Variants in RBFOX1 observed in about 807,000 individuals in gnomAD.
RBFOX1 encodes the protein RNA binding fox-1 homolog 1.
RBFOX1 carries 8 observed loss-of-function variants against 57.7 expected under a neutral mutation model. The ratio of observed to expected loss-of-function variants is 0.14; its 90% CI spans 0.08 to 0.25. The LOEUF (loss-of-function observed/expected upper bound fraction) is 0.25, where lower values mean the gene tolerates loss of function less well. RBFOX1 is among the 10% of genes least tolerant of loss of function. The pLI is 1.00. For missense variants in RBFOX1, 611 were observed against 548.5 expected, an observed-to-expected ratio of 1.11 and a Z score of -1.14; for synonymous variants, 326 against 222.4, an observed-to-expected ratio of 1.47 and a Z score of -4.15.
At chr16:5,639,434 A>G (rs1408978876) in intron 3 of RBFOX1, among the ~76,000 whole-genome samples, 1 of 152,174 alleles carries the variant, frequency 6.6e-6, no homozygotes, top group Admixed American at 6.5e-5. Flanking sequence ...GTTCAACAGA[A>G]GTCTTGATAT....
At chr16:5,506,658 G>A (rs559577323) in intron 2 of RBFOX1, among the ~76,000 whole-genome samples, 2 of 152,200 alleles carry the variant, frequency 1.3e-5, no homozygotes, top group African/African-American at 4.8e-5. Flanking sequence ...GAGAAGGTGG[G>A]CTATAGACTG....
At position 5,283,576 on chromosome 16, in the gene RBFOX1, G is replaced by A. The variant is rs1223262302; in HGVS notation, c.219+43471G>A. Among the ~76,000 whole-genome samples the A allele has an allele frequency of 3.3e-5, 5 of 152,188 alleles. 1 individual carries two copies. In the South Asian group the frequency reaches 1.0e-3, roughly 32 times the overall value. On this transcript the variant is annotated intron_variant, in intron 1 of 2. Transcript: ENST00000585867. ...GGGAGCCCACCTCTTACATCAGCAT[G>A]ACCTGCATGTGAGACATGGACTCAA...
chr16:6,455,844 C>T (rs983874396), intron 2 of RBFOX1, among the ~76,000 whole-genome samples: 1 of 152,014 alleles, frequency 6.6e-6, no homozygotes, highest in Non-Finnish European at 1.5e-5. Flanking sequence ...TTCAATAAAC[C>T]ATGAGATTAT....
At chr16:5,277,934 A>G (rs1399665841) in intron 1 of RBFOX1, among the ~76,000 whole-genome samples, 2 of 152,146 alleles carry the variant, frequency 1.3e-5, no homozygotes, top group Non-Finnish European at 2.9e-5. Flanking sequence ...TATCTTGGCT[A>G]TTGTAAATAG....
chr16:5,834,201 C>T (rs937761481), intron 3 of RBFOX1, among the ~76,000 whole-genome samples: 2 of 152,162 alleles, frequency 1.3e-5, no homozygotes, highest in South Asian at 2.1e-4. Context: ...GAAGTCTGAG[C>T]TTTTAGTGTA....
intron 1 of RBFOX1, among the ~76,000 whole-genome samples, chr16:5,282,630 C>T (rs554562348): frequency 6.6e-6 from 1 of 152,174 alleles, no homozygotes; most frequent in Non-Finnish European, 1.5e-5. Context: ...CATTTTGCCC[C>T]TGCTGTAGAG....
chr16:5,449,979 G>C (rs2151562679), intron 1 of RBFOX1, among the ~76,000 whole-genome samples: 1 of 152,300 alleles, frequency 6.6e-6, no homozygotes, highest in East Asian at 1.9e-4. Flanking sequence ...GCATTTAGTG[G>C]TGTAAAGATA....
rs60749168 is a variant in RBFOX1 at position 5,944,790 on chromosome 16, T to TAAAAAAAAAAAAAAA, written c.351+77460_351+77474dup. On this transcript the variant is annotated intron_variant, in intron 4 of 19. Coordinates refer to the RBFOX1 transcript ENST00000641259. ...CAACTTGGTGAAACCCTGTCTCTGC[T>TAAAAAAAAAAAAAAA]AAAAAAAAAAAAAAAAAAATTAGCT... 2.4e-3 allele frequency among the ~76,000 whole-genome samples: 100 copies of TAAAAAAAAAAAAAAA among 41,246 alleles called. 12 individuals carry two copies. The highest frequency in any genetic ancestry group is 0.01 in the East Asian group (26 of 2,564). 27.1% of individuals were successfully genotyped at this position (41,246 alleles called of 152,430 possible).
chr16:6,683,440 A>G (rs1372896225), intron 3 of RBFOX1, among the ~76,000 whole-genome samples: 1 of 152,214 alleles, frequency 6.6e-6, no homozygotes, highest in African/African-American at 2.4e-5. Flanking sequence ...GGATATATCT[A>G]TGTCTTTCAA....
chr16:7,285,739 T>C (rs568285827), intron 4 of RBFOX1, among the ~76,000 whole-genome samples: 47 of 152,370 alleles, frequency 3.1e-4, no homozygotes, highest in Middle Eastern at 3.4e-3. Flanking sequence ...CTGTGTAGTA[T>C]TCCATGGTAT....
intron 3 of RBFOX1, among the ~76,000 whole-genome samples, chr16:5,725,907 C>G (rs1011782492): frequency 9.9e-5 from 15 of 151,836 alleles, no homozygotes; most frequent in African/African-American, 3.6e-4. Context: ...GGGTTAATTC[C>G]TGAGCACTCA....
intron 1 of RBFOX1, among the ~76,000 whole-genome samples, chr16:6,245,224 A>T (rs2097562573): frequency 6.6e-6 from 1 of 152,182 alleles, no homozygotes; most frequent in South Asian, 2.1e-4. Context: ...TGGGTTCATG[A>T]ATATAAGCAG....
At chr16:5,921,113 C>A (rs7184441) in intron 4 of RBFOX1, among the ~76,000 whole-genome samples, 92,867 of 151,978 alleles carry the variant, frequency 0.61, 28,797 homozygotes, top group East Asian at 0.74. Context: ...TACTGATCTC[C>A]TGTTAGGATA....
At chr16:7,057,895 C>A (rs567738724) in intron 4 of RBFOX1, among the ~76,000 whole-genome samples, 1 of 151,268 alleles carries the variant, frequency 6.6e-6, no homozygotes, top group Non-Finnish European at 1.5e-5. Context: ...GTAGTCCCAG[C>A]TACTCCGGAG....
chr16:6,367,683 G>C (rs1282214605), intron 2 of RBFOX1, among the ~76,000 whole-genome samples: 2 of 151,744 alleles, frequency 1.3e-5, no homozygotes. Context: ...GCTTTCATAG[G>C]ATGGGAGCCA....
intron 3 of RBFOX1, among the ~76,000 whole-genome samples, chr16:7,016,067 A>G (rs2093895249): frequency 6.6e-6 from 1 of 152,176 alleles, no homozygotes; most frequent in African/African-American, 2.4e-5. Context: ...AAGTGAGACC[A>G]TAAGGCTTGT....
At chr16:7,626,229 G>A (rs1166363547) in intron 10 of RBFOX1, among the ~76,000 whole-genome samples, 1 of 152,164 alleles carries the variant, frequency 6.6e-6, no homozygotes, top group Admixed American at 6.6e-5. Flanking sequence ...AACAGTTTTC[G>A]ACACTTCCTC....
At chr16:6,531,391 A>G (rs2096656097) in intron 2 of RBFOX1, among the ~76,000 whole-genome samples, 1 of 152,172 alleles carries the variant, frequency 6.6e-6, no homozygotes, top group Non-Finnish European at 1.5e-5. Flanking sequence ...TCTCAGACAT[A>G]GGATCAGTTT....
At chr16:6,919,533 A>G (rs574345393) in intron 3 of RBFOX1, among the ~76,000 whole-genome samples, 2 of 152,178 alleles carry the variant, frequency 1.3e-5, no homozygotes, top group African/African-American at 4.8e-5. Flanking sequence ...CCCAAGAGAG[A>G]TCCAGAACCT....
Sources: allele counts gnomAD v4.1 joint callset (sites outside exome capture counted in the v4.1 genomes callset), GRCh38; gene constraint gnomAD v4.1.1; transcripts MANE v1.5; gene names NCBI Gene and HGNC (gene_info 2026-07-23, HGNC 2026-07-21).